FAM110B: variants seen among roughly 807,000 people sequenced by gnomAD.
The protein encoded by FAM110B is protein FAM110B.
A neutral mutation model predicts 20.4 loss-of-function variants in FAM110B; 6 were observed. That is an observed-to-expected ratio of 0.29 (90% CI 0.16 to 0.58). The LOEUF (loss-of-function observed/expected upper bound fraction) is 0.58, where lower values mean the gene tolerates loss of function less well. Ranked by LOEUF, FAM110B falls within the 20% of genes least tolerant of loss-of-function variation. The pLI is 0.90. For missense variants in FAM110B, 434 were observed against 498.2 expected, an observed-to-expected ratio of 0.87 and a Z score of 1.23; for synonymous variants, 226 against 214.1, an observed-to-expected ratio of 1.06 and a Z score of -0.49.
chr8:58,026,320 A>G (rs1464830710), intron 1 of FAM110B, among the ~76,000 whole-genome samples: 2 of 151,816 alleles, frequency 1.3e-5, no homozygotes, highest in Non-Finnish European at 2.9e-5. Flanking sequence ...GAACTTTGTA[A>G]GGGCAAGGAC....
At chr8:58,140,246 G>A (rs1201941788) in intron 3 of FAM110B, among the ~76,000 whole-genome samples, 1 of 152,136 alleles carries the variant, frequency 6.6e-6, no homozygotes, top group Non-Finnish European at 1.5e-5. Context: ...GTTCAGCCCA[G>A]CGTGCCTCTT....
intron 1 of FAM110B, among the ~76,000 whole-genome samples, chr8:58,006,758 G>A (rs1343160058): frequency 2.0e-5 from 3 of 151,152 alleles, no homozygotes; most frequent in East Asian, 2.0e-4. Context: ...ACGTGCCACC[G>A]CACCTGGCTA....
chr8:58,015,473 A>G (rs537476852), intron 1 of FAM110B, among the ~76,000 whole-genome samples: 3 of 152,324 alleles, frequency 2.0e-5, no homozygotes, highest in South Asian at 4.1e-4. Context: ...TTTTGGAGGA[A>G]TACAGTGAAG....
At chr8:58,044,628 TA>T (rs1182993395) in intron 2 of FAM110B, among the ~76,000 whole-genome samples, 6 of 152,200 alleles carry the variant, frequency 3.9e-5, no homozygotes, top group Non-Finnish European at 5.9e-5. Flanking sequence ...ATGTTACACT[TA>T]ACAAAATCAT....
intron 1 of FAM110B, among the ~76,000 whole-genome samples, chr8:58,004,504 G>A (rs1804362210): frequency 6.6e-6 from 1 of 152,208 alleles, no homozygotes; most frequent in South Asian, 2.1e-4. Context: ...CAGCACTTTG[G>A]GAGGCCAAGG....
chr8:58,101,305 T>TGTGAGTGCA (rs1166959810), intron 3 of FAM110B, among the ~76,000 whole-genome samples: 1 of 152,226 alleles, frequency 6.6e-6, no homozygotes, highest in Admixed American at 6.5e-5. Context: ...ACACAATTGG[T>TGTGAGTGCA]GTGAGTGCAT....
intron 2 of FAM110B, among the ~76,000 whole-genome samples, chr8:58,071,033 A>G (rs988740140): frequency 6.6e-6 from 1 of 152,180 alleles, no homozygotes; most frequent in Admixed American, 6.5e-5. Context: ...TAGCAGGGAC[A>G]TTGAGTTAGG....
At chr8:58,063,668 T>C (rs1235254305) in intron 2 of FAM110B, among the ~76,000 whole-genome samples, 2 of 152,242 alleles carry the variant, frequency 1.3e-5, no homozygotes, top group African/African-American at 4.8e-5. Flanking sequence ...CTTCATGCTC[T>C]ACCTGTATAC....
intron 1 of FAM110B, among the ~76,000 whole-genome samples, chr8:58,007,477 A>G (rs558173976): frequency 6.6e-6 from 1 of 152,254 alleles, no homozygotes; most frequent in South Asian, 2.1e-4. Flanking sequence ...CCACCCCTCC[A>G]TCCCTCTGCT....
chr8:58,007,348 G>T (rs943240991), intron 1 of FAM110B, among the ~76,000 whole-genome samples: 3 of 152,106 alleles, frequency 2.0e-5, no homozygotes, highest in African/African-American at 7.2e-5. Flanking sequence ...ATCGGATCAC[G>T]TGGGTCCCAC....
intron 3 of FAM110B, among the ~76,000 whole-genome samples, chr8:58,114,497 A>G (rs1807147271): frequency 6.6e-6 from 1 of 152,114 alleles, no homozygotes; most frequent in African/African-American, 2.4e-5. Context: ...GTGATCTTGA[A>G]ATTGCTGCTC....
chr8:58,060,440 C>G (rs185774305), intron 2 of FAM110B, among the ~76,000 whole-genome samples: 40 of 152,132 alleles, frequency 2.6e-4, no homozygotes, highest in Non-Finnish European at 5.3e-4. Flanking sequence ...CAGAGTGGCC[C>G]AAAACTAATA....
At chr8:58,109,384 A>G (rs1807002543) in intron 3 of FAM110B, among the ~76,000 whole-genome samples, 1 of 152,210 alleles carries the variant, frequency 6.6e-6, no homozygotes, top group African/African-American at 2.4e-5. Context: ...AAATCTAGCC[A>G]TCACGAGAAC....
intron 2 of FAM110B, among the ~76,000 whole-genome samples, chr8:58,051,874 C>T (rs191889431): frequency 1.3e-3 from 192 of 152,302 alleles, no homozygotes; most frequent in African/African-American, 4.0e-3. Context: ...TTACTCTCCC[C>T]TACCTCTTTC....
chr8:58,044,467 GT>G (rs1805283177), intron 2 of FAM110B, among the ~76,000 whole-genome samples: 1 of 152,168 alleles, frequency 6.6e-6, no homozygotes, highest in South Asian at 2.1e-4. Flanking sequence ...ATAAAAATAT[GT>G]TATGTAGGAA....
chr8:58,146,074 A>G lies in FAM110B; in HGVS notation c.-157A>G. ...ATGAAAGCCACCGTGGCGGTTAATGAGCTGTGAGATGAGGCGCTGCTGCGG... is the reference window on the plus strand; with the variant it reads ...ATGAAAGCCACCGTGGCGGTTAATGGGCTGTGAGATGAGGCGCTGCTGCGG... On this transcript the variant is annotated 5_prime_UTR_variant, in exon 4 of 4. Coordinates refer to ENST00000519262, the MANE Select transcript of FAM110B (RefSeq NM_001377989.1). 1.3e-6 allele frequency: 1 copy of G among 795,998 alleles called. No homozygotes were observed. The highest frequency in any genetic ancestry group is 1.9e-6 in the Non-Finnish European group (1 of 516,736). 49.3% of individuals were successfully genotyped at this position (795,998 alleles called of 1,614,324 possible).
intron 3 of FAM110B, among the ~76,000 whole-genome samples, chr8:58,125,094 T>C (rs1807463646): frequency 6.6e-6 from 1 of 152,198 alleles, no homozygotes; most frequent in Admixed American, 6.5e-5. Context: ...ATGCCTGTAA[T>C]CCCAGCACTT....
At chr8:58,072,617 G>A (rs1275340744) in intron 2 of FAM110B, among the ~76,000 whole-genome samples, 1 of 152,072 alleles carries the variant, frequency 6.6e-6, no homozygotes, top group African/African-American at 2.4e-5. Flanking sequence ...GAAAGTTTTT[G>A]GACACTTTAA....
chr8:58,134,307 C>A lies in FAM110B; in HGVS notation c.-324-11600C>A, dbSNP rs565060573. Among the ~76,000 whole-genome samples the A allele has an allele frequency of 2.1e-3, 313 of 152,282 alleles. 1 individual carries two copies. The highest frequency in any genetic ancestry group is 6.8e-3 in the Middle Eastern group (2 of 294). On this transcript the variant is annotated intron_variant, in intron 3 of 3. Transcript: ENST00000519262. The stretch of plus-strand genomic sequence containing the variant: ...CTGCTGTAAAATTCTACCTTGTATT[C>A]ATTTCCTTTTGCCCCTTATTTGTGC...
Sources: gnomAD v4.1 joint callset for allele counts (sites outside exome capture counted in the v4.1 genomes callset) on GRCh38, gnomAD v4.1.1 for gene constraint, MANE v1.5 for transcripts, NCBI Gene and HGNC (gene_info 2026-07-23, HGNC 2026-07-21) for gene names.